Variants in INPP4B observed in about 807,000 individuals in gnomAD.
INPP4B encodes inositol polyphosphate 4-phosphatase type II.
Under a neutral mutation model 122.5 loss-of-function variants are expected in INPP4B, and 55 were observed. That is an observed-to-expected ratio of 0.45 (90% confidence interval 0.36 to 0.56). The LOEUF (loss-of-function observed/expected upper bound fraction) is 0.56, where lower values mean the gene tolerates loss of function less well. INPP4B is among the 20% of genes least tolerant of loss of function. The pLI is 0.00. For synonymous variants in INPP4B, 403 were observed against 388.7 expected (o/e 1.04, Z -0.43); for missense variants, 1,000 against 1,097.7 (o/e 0.91, Z 1.26).
chr4:142,770,977 T>C (rs945910222), intron 1 of INPP4B, among the ~76,000 whole-genome samples: 4 of 151,920 alleles, frequency 2.6e-5, no homozygotes, highest in African/African-American at 7.2e-5. Context: ...AGCACTATTG[T>C]AGATATCTCA....
intron 21 of INPP4B, among the ~76,000 whole-genome samples, chr4:142,113,569 G>T (rs1038744549): frequency 3.9e-5 from 6 of 151,912 alleles, no homozygotes; most frequent in African/African-American, 1.4e-4. Context: ...TCTGAGACTT[G>T]TTTCTTTCTA....
At chr4:142,083,803 T>G (rs1775359908) in intron 24 of INPP4B, among the ~76,000 whole-genome samples, 1 of 152,120 alleles carries the variant, frequency 6.6e-6, no homozygotes, top group South Asian at 2.1e-4. Flanking sequence ...GTATTTCATT[T>G]TTAAAAATTC....
At chr4:142,521,265 A>G (rs1277428657) in intron 2 of INPP4B, among the ~76,000 whole-genome samples, 9 of 152,000 alleles carry the variant, frequency 5.9e-5, no homozygotes, top group African/African-American at 1.9e-4. Flanking sequence ...TAAGACAAAA[A>G]TAAAAGGATT....
At chr4:142,678,709 A>G (rs1335946754) in intron 2 of INPP4B, among the ~76,000 whole-genome samples, 2 of 151,924 alleles carry the variant, frequency 1.3e-5, no homozygotes, top group East Asian at 3.9e-4. Context: ...TGTGTTTTGA[A>G]CTGGAAGAAA....
intron 18 of INPP4B, among the ~76,000 whole-genome samples, chr4:142,136,385 T>C (rs569649373): frequency 1.4e-4 from 22 of 152,290 alleles, no homozygotes; most frequent in Middle Eastern, 3.4e-3. Context: ...ATAAAGTTAT[T>C]TGGAATTTCA....
intron 1 of INPP4B, among the ~76,000 whole-genome samples, chr4:142,803,650 A>T (rs1001143407): frequency 1.5e-5 from 1 of 67,248 alleles, no homozygotes; most frequent in African/African-American, 5.3e-5. Context: ...AATAAAACTT[A>T]AAAAAAAAAA....
intron 9 of INPP4B, among the ~76,000 whole-genome samples, chr4:142,295,306 A>C (rs1369155744): frequency 6.6e-6 from 1 of 152,152 alleles, no homozygotes; most frequent in Non-Finnish European, 1.5e-5. Flanking sequence ...CATGGGCATG[A>C]GTATAAGATG....
chr4:142,176,061 T>C (rs1828025850), intron 15 of INPP4B, among the ~76,000 whole-genome samples: 1 of 151,554 alleles, frequency 6.6e-6, no homozygotes, highest in Admixed American at 6.6e-5. Flanking sequence ...TTTGGAAAGC[T>C]AGAATGCTCA....
At chr4:142,602,486 T>G (rs1026298016) in intron 2 of INPP4B, among the ~76,000 whole-genome samples, 3 of 152,066 alleles carry the variant, frequency 2.0e-5, no homozygotes, top group African/African-American at 7.2e-5. Context: ...ATTTTAAAAT[T>G]TATTCTACAT....
intron 1 of INPP4B, among the ~76,000 whole-genome samples, chr4:142,843,513 A>G (rs183116752): frequency 8.5e-4 from 129 of 152,134 alleles, no homozygotes; most frequent in Non-Finnish European, 1.7e-3. Flanking sequence ...GAGATTATTT[A>G]AAACAGGGCA....
At chr4:142,672,431 G>C (rs1211478572) in intron 2 of INPP4B, among the ~76,000 whole-genome samples, 1 of 152,024 alleles carries the variant, frequency 6.6e-6, no homozygotes, top group Admixed American at 6.6e-5. Context: ...GGTGGTGTTT[G>C]TTTGTTTGTT....
chr4:142,252,637 C>T (rs549798066), intron 11 of INPP4B, among the ~76,000 whole-genome samples: 2 of 152,216 alleles, frequency 1.3e-5, no homozygotes, highest in South Asian at 2.1e-4. Context: ...CAGTTTAATA[C>T]CTTGTTGAAA....
At chr4:142,201,415 C>T (rs914500175) in intron 14 of INPP4B, among the ~76,000 whole-genome samples, 1 of 152,070 alleles carries the variant, frequency 6.6e-6, no homozygotes, top group African/African-American at 2.4e-5. Flanking sequence ...AGGTAATCTT[C>T]TTAATATTTT....
intron 1 of INPP4B, among the ~76,000 whole-genome samples, chr4:142,731,872 T>C (rs1766143595): frequency 6.6e-6 from 1 of 152,038 alleles, no homozygotes; most frequent in Non-Finnish European, 1.5e-5. Context: ...GAGACAAAAT[T>C]GCATCATCTC....
intron 14 of INPP4B, among the ~76,000 whole-genome samples, chr4:142,193,734 T>C (rs1836990348): frequency 1.3e-5 from 2 of 152,238 alleles, no homozygotes; most frequent in Non-Finnish European, 2.9e-5. Context: ...TAGATGCTTT[T>C]GCAATTTCCT....
chr4:142,032,030 A>G (rs888690767), intron 25 of INPP4B, among the ~76,000 whole-genome samples: 2 of 152,216 alleles, frequency 1.3e-5, no homozygotes, highest in Non-Finnish European at 2.9e-5. Context: ...AGACAGAGAG[A>G]ATTTTAAATA....
intron 2 of INPP4B, among the ~76,000 whole-genome samples, chr4:142,499,416 T>G (rs76922445): frequency 0.012 from 1,763 of 152,222 alleles, 33 homozygotes; most frequent in African/African-American, 0.04. Flanking sequence ...ACTCACGAAG[T>G]CACAAAATAA....
At chr4:142,686,457 TC>T (rs746749263) in intron 2 of INPP4B, among the ~76,000 whole-genome samples, 2 of 152,034 alleles carry the variant, frequency 1.3e-5, no homozygotes, top group Non-Finnish European at 2.9e-5. Flanking sequence ...TGGTCAGGAC[TC>T]CTAATGAAGG....
intron 12 of INPP4B, among the ~76,000 whole-genome samples, chr4:142,237,200 C>T (rs370999874): frequency 2.6e-5 from 4 of 152,038 alleles, no homozygotes; most frequent in Non-Finnish European, 4.4e-5. Context: ...CTGAAAGTCT[C>T]GCTACAAATG....
Sources: gnomAD v4.1 joint callset for allele counts (sites outside exome capture counted in the v4.1 genomes callset) on GRCh38, gnomAD v4.1.1 for gene constraint, MANE v1.5 for transcripts, NCBI Gene and HGNC (gene_info 2026-07-23, HGNC 2026-07-21) for gene names.